Variants in ACMSD observed in about 807,000 individuals in gnomAD.
The protein encoded by ACMSD is aminocarboxymuconate semialdehyde decarboxylase.
In ACMSD, 37 loss-of-function variants were observed where a neutral mutation model predicts 45.9. That is an observed-to-expected ratio of 0.81 (90% CI 0.62 to 1.06). The LOEUF is 1.06. Among genes scored for constraint, ACMSD ranks in the 50% least tolerant of loss-of-function variants. The pLI is 0.00. For missense variants in ACMSD, 434 were observed against 420.9 expected, an observed-to-expected ratio of 1.03 and a Z score of -0.27; for synonymous variants, 138 against 148.8, an observed-to-expected ratio of 0.93 and a Z score of 0.53.
At position 134,872,517 on chromosome 2, in the gene ACMSD, T is replaced by C; in HGVS notation, c.725T>C (p.Met242Thr). The C allele has an allele frequency of 6.2e-7, 1 of 1,614,176 alleles. No individual in the cohort carries two copies. The highest frequency in any genetic ancestry group is 2.2e-5 in the East Asian group (1 of 44,866). Reference sequence around the variant, plus strand: ...GGAAGAATCTCCCATGGATTCAGCATGCGCCCAGATCTGTGTGCCCAGGAC... The same window carrying C: ...GGAAGAATCTCCCATGGATTCAGCACGCGCCCAGATCTGTGTGCCCAGGAC... ...TVGRISHGFSMRPDLCAQDNP... is the reference protein window; with the variant it reads ...TVGRISHGFSTRPDLCAQDNP... Residue 242 changes from methionine to threonine, a missense_variant, in exon 8 of 10, where the codon ATG becomes ACG. Met to Thr is a moderately conservative substitution (Grantham distance 81). Transcript: ENST00000356140.
At chr2:134,899,550 T>A (rs187677375) in intron 9 of ACMSD, among the ~76,000 whole-genome samples, 4 of 152,242 alleles carry the variant, frequency 2.6e-5, no homozygotes, top group Admixed American at 6.5e-5. Flanking sequence ...AGAAACCAGA[T>A]GACCCACATA....
At chr2:134,864,268 CAAAA>C (rs370221460) in intron 5 of ACMSD, among the ~76,000 whole-genome samples, 1 of 117,972 alleles carries the variant, frequency 8.5e-6, no homozygotes. Context: ...GACTCCATCT[CAAAA>C]AAAAAAAAAA....
At chr2:134,846,771 CA>C (rs2104817776) in intron 2 of ACMSD, among the ~76,000 whole-genome samples, 1 of 152,264 alleles carries the variant, frequency 6.6e-6, no homozygotes, top group South Asian at 2.1e-4. Flanking sequence ...CCAACCTAGA[CA>C]CTGAGAATAT....
chr2:134,885,462 A>G (rs1411610785), intron 8 of ACMSD, among the ~76,000 whole-genome samples: 4 of 97,508 alleles, frequency 4.1e-5, no homozygotes, highest in Non-Finnish European at 7.2e-5. Flanking sequence ...CATATGTTAG[A>G]TATGTGATTT....
chr2:134,861,857 G>GT, intron 3 of ACMSD, 112 bp from the exon 4 acceptor site: 4 of 1,104,856 alleles, frequency 3.6e-6, no homozygotes, highest in Non-Finnish European at 1.4e-6. Flanking sequence ...CGCAGGGAGG[G>GT]AGAGCAGGAG....
chr2:134,893,236 G>A (rs1426548306), intron 8 of ACMSD, among the ~76,000 whole-genome samples: 1 of 145,662 alleles, frequency 6.9e-6, no homozygotes, highest in Non-Finnish European at 1.5e-5. Context: ...TTGAGACAGG[G>A]CCTCGCTCTT....
At chr2:134,853,982 G>A (rs1047482208) in intron 2 of ACMSD, among the ~76,000 whole-genome samples, 2 of 152,212 alleles carry the variant, frequency 1.3e-5, no homozygotes, top group Non-Finnish European at 2.9e-5. Flanking sequence ...AGCCTTGTGA[G>A]ATGGAAAATG....
intron 9 of ACMSD, among the ~76,000 whole-genome samples, chr2:134,900,033 T>C (rs1231430903): frequency 3.3e-5 from 5 of 152,112 alleles, no homozygotes; most frequent in Admixed American, 3.3e-4. Context: ...AGGAATGAAG[T>C]ATCTATTTTA....
At chr2:134,839,820 G>A (rs1181033052) in intron 1 of ACMSD, among the ~76,000 whole-genome samples, 2 of 152,094 alleles carry the variant, frequency 1.3e-5, no homozygotes, top group African/African-American at 4.8e-5. Flanking sequence ...GACTCTACAT[G>A]TTTACACAGG....
chr2:134,883,869 T>C (rs542709306), intron 8 of ACMSD, among the ~76,000 whole-genome samples: 1 of 152,350 alleles, frequency 6.6e-6, no homozygotes, highest in African/African-American at 2.4e-5. Flanking sequence ...CAATAGAGTA[T>C]GTGACCTTCA....
chr2:134,901,001 T>C (rs1003712115), intron 9 of ACMSD, among the ~76,000 whole-genome samples: 1 of 152,200 alleles, frequency 6.6e-6, no homozygotes, highest in Non-Finnish European at 1.5e-5. Flanking sequence ...TAGAGGAGGA[T>C]GGCCTAAGTA....
In ACMSD at chr2:134,846,919, C is replaced by A. The variant is rs140845487; in HGVS notation, c.102+1642C>A. On this transcript the variant is annotated intron_variant, in intron 2 of 9. Transcript: ENST00000356140. ...GAGCAAGAGGCTGGCTGGTCTGTGA[C>A]CTGGCAAAGGCTTCGAGGATGAGAA... 1.2e-3 allele frequency among the ~76,000 whole-genome samples: 189 copies of A among 152,248 alleles called. 5 individuals carry two copies. The Middle Eastern group carries it at 0.038, about 30-fold the overall frequency.
intron 2 of ACMSD, among the ~76,000 whole-genome samples, chr2:134,852,810 G>C (rs900216115): frequency 6.6e-6 from 1 of 152,118 alleles, no homozygotes; most frequent in African/African-American, 2.4e-5. Context: ...GGGATTGCTC[G>C]AGTGGGCACT....
At position 134,872,557 on chromosome 2, in the gene ACMSD, G is replaced by A. The variant is rs138304352; in HGVS notation, c.765G>A (p.Pro255=). 5.8e-5 allele frequency: 93 copies of A among 1,614,092 alleles called. No homozygotes were observed. The highest frequency in any genetic ancestry group is 3.2e-4 in the African/African-American group (24 of 75,034). ...GTGCCCAGGACAACCCCATGAACCC[G>A]AAGAAATACCTTGGTTCCTTTTACA... ...DLCAQDNPMN[P]KKYLGSFYTD... The change falls in exon 8 of 10, where the codon CCG becomes CCA. Residue 255 remains proline (P), a synonymous_variant. Coordinates refer to ENST00000356140, the MANE Select transcript of ACMSD (RefSeq NM_138326.3).
At chr2:134,886,345 T>A (rs1265807192) in intron 8 of ACMSD, among the ~76,000 whole-genome samples, 3 of 149,176 alleles carry the variant, frequency 2.0e-5, no homozygotes, top group Non-Finnish European at 4.4e-5. Flanking sequence ...GCCTCCCGGG[T>A]TCACGCCATT....
At chr2:134,901,479 T>C (rs1442324095) in intron 9 of ACMSD, among the ~76,000 whole-genome samples, 1 of 152,200 alleles carries the variant, frequency 6.6e-6, no homozygotes, top group Non-Finnish European at 1.5e-5. Context: ...AACTGTACCT[T>C]TTCTCTGTAT....
chr2:134,886,246 A>ATTATTATTATTATTATTTTTTTTTTT, intron 8 of ACMSD, among the ~76,000 whole-genome samples: 95 of 115,430 alleles, frequency 8.2e-4, no homozygotes, highest in Middle Eastern at 4.3e-3. Flanking sequence ...TATTATTATT[A>ATTATTATTATTATTATTTTTTTTTTT]TTTTTTTTTT....
intron 1 of ACMSD, among the ~76,000 whole-genome samples, chr2:134,841,270 G>A (rs1686791298): frequency 6.6e-6 from 1 of 152,118 alleles, no homozygotes; most frequent in Admixed American, 6.6e-5. Flanking sequence ...AGAGCTATGA[G>A]AGGCCACCGT....
At position 134,845,509 on chromosome 2, in the gene ACMSD, GTCTCTCTCTCTCTCTCTC is replaced by G. The variant is rs59782657; in HGVS notation, c.102+261_102+278del. Among the ~76,000 whole-genome samples, 11 of 94,440 alleles carry G rather than the reference GTCTCTCTCTCTCTCTCTC, an allele frequency of 1.2e-4. No homozygotes were observed. The East Asian group carries it at 2.1e-3, about 18-fold the overall frequency. The allele number at this position is 94,440 out of a possible 152,430, so 62.0% of individuals were successfully genotyped here. A position where few individuals can be genotyped will look rare whatever the true frequency, so the allele number is the denominator to read the frequency against. The stretch of plus-strand genomic sequence containing the variant: ...TTGGAATTTGAGAACACATTAAAAG[GTCTCTCTCTCTCTCTCTC>G]TCTCTCTCTCTCTCTCTCTCTCTCT... On this transcript the variant is annotated intron_variant, in intron 2 of 9. Coordinates refer to ENST00000356140, the MANE Select transcript of ACMSD (RefSeq NM_138326.3).
Sources: allele counts gnomAD v4.1 joint callset (sites outside exome capture counted in the v4.1 genomes callset), GRCh38; gene constraint gnomAD v4.1.1; transcripts MANE v1.5; gene names NCBI Gene and HGNC (gene_info 2026-07-23, HGNC 2026-07-21).